Variants in DCC observed in about 807,000 individuals in gnomAD.
DCC encodes the protein DCC netrin 1 receptor, also known as netrin receptor DCC.
In DCC, 58 loss-of-function variants were observed where a neutral mutation model predicts 172.5. The ratio of observed to expected loss-of-function variants is 0.34; its 90% CI spans 0.27 to 0.42. The LOEUF (loss-of-function observed/expected upper bound fraction) is 0.42, where lower values mean the gene tolerates loss of function less well. Ranked by LOEUF, DCC falls within the 10% of genes least tolerant of loss-of-function variation. The probability of loss-of-function intolerance (pLI) is 1.00; values close to 1 mark genes in which losing one functional copy is unlikely to be tolerated. For missense variants in DCC, 1,740 were observed against 1,791.0 expected (o/e 0.97, Z 0.51); for synonymous variants, 709 against 644.5 (o/e 1.10, Z -1.52).
chr18:52,917,985 AT>A (rs35110915), intron 3 of DCC, among the ~76,000 whole-genome samples: 58,031 of 151,894 alleles, frequency 0.38, 11,658 homozygotes, highest in Non-Finnish European at 0.46. Context: ...AAAAAAATCC[AT>A]TTTTTTCTGC....
chr18:52,773,500 C>A (rs2037375938), intron 2 of DCC, among the ~76,000 whole-genome samples: 1 of 114,598 alleles, frequency 8.7e-6, no homozygotes. Flanking sequence ...ATATATATCT[C>A]TATATATCTA....
chr18:52,493,494 A>T (rs1430830770), intron 1 of DCC, among the ~76,000 whole-genome samples: 7 of 152,114 alleles, frequency 4.6e-5, no homozygotes. Context: ...TAATCGTAAT[A>T]GTTTATGTTG....
intron 1 of DCC, among the ~76,000 whole-genome samples, chr18:52,475,800 A>C (rs1481741077): frequency 6.6e-6 from 1 of 152,166 alleles, no homozygotes; most frequent in African/African-American, 2.4e-5. Context: ...TCTCAAAACA[A>C]CATTTTTTGC....
At chr18:52,794,528 A>T (rs1450063211) in intron 2 of DCC, among the ~76,000 whole-genome samples, 1 of 151,854 alleles carries the variant, frequency 6.6e-6, no homozygotes, top group Non-Finnish European at 1.5e-5. Context: ...ATCAGTTCTG[A>T]GTTTTTTGGT....
intron 1 of DCC, among the ~76,000 whole-genome samples, chr18:52,405,538 G>A: frequency 6.6e-6 from 1 of 151,338 alleles, no homozygotes; most frequent in Admixed American, 6.6e-5. Context: ...CAGACAAACA[G>A]AGAGCCGAAT....
At chr18:53,221,135 A>G (rs1386293547) in intron 12 of DCC, among the ~76,000 whole-genome samples, 1 of 152,058 alleles carries the variant, frequency 6.6e-6, no homozygotes, top group Non-Finnish European at 1.5e-5. Flanking sequence ...AAACAACTTT[A>G]TATAAAATTT....
chr18:53,099,021 A>T (rs2043125809), intron 7 of DCC, among the ~76,000 whole-genome samples: 1 of 152,042 alleles, frequency 6.6e-6, no homozygotes, highest in Admixed American at 6.6e-5. Flanking sequence ...TAATAATAAT[A>T]ATAGTAATAG....
At chr18:52,861,614 T>C (rs1335150997) in intron 2 of DCC, among the ~76,000 whole-genome samples, 1 of 152,172 alleles carries the variant, frequency 6.6e-6, no homozygotes, top group East Asian at 1.9e-4. Context: ...TTCTTGACTC[T>C]GGAAAACAAA....
intron 2 of DCC, among the ~76,000 whole-genome samples, chr18:52,881,981 A>C (rs1479255743): frequency 6.6e-6 from 1 of 152,040 alleles, no homozygotes; most frequent in African/African-American, 2.4e-5. Context: ...TTCTTTCATT[A>C]GTTTTTAATA....
intron 1 of DCC, among the ~76,000 whole-genome samples, chr18:52,366,008 T>C (rs75331180): frequency 0.034 from 5,107 of 152,274 alleles, 292 homozygotes; most frequent in African/African-American, 0.11. Context: ...ATGGAATTGT[T>C]CTTAGAATAT....
intron 1 of DCC, among the ~76,000 whole-genome samples, chr18:52,637,902 A>G (rs2034813510): frequency 6.6e-6 from 1 of 152,226 alleles, no homozygotes; most frequent in East Asian, 1.9e-4. Context: ...AAAGAATCTT[A>G]AGAGCTGTGA....
chr18:53,018,382 G>T (rs1289158860), intron 5 of DCC, among the ~76,000 whole-genome samples: 1 of 152,140 alleles, frequency 6.6e-6, no homozygotes, highest in Non-Finnish European at 1.5e-5. Context: ...CTGGCTTTAA[G>T]GAAGATACAT....
intron 15 of DCC, among the ~76,000 whole-genome samples, chr18:53,363,643 G>A (rs1480282057): frequency 7.2e-5 from 11 of 152,136 alleles, no homozygotes; most frequent in Non-Finnish European, 1.3e-4. Flanking sequence ...TTTGTCCACT[G>A]CCATTTCTAT....
intron 1 of DCC, among the ~76,000 whole-genome samples, chr18:52,482,231 A>G (rs1448023338): frequency 2.0e-4 from 31 of 152,148 alleles, no homozygotes; most frequent in Admixed American, 2.0e-3. Flanking sequence ...AATACTCACT[A>G]TTTACATTAC....
chr18:53,484,273 G>A (rs752274698), intron 25 of DCC, among the ~76,000 whole-genome samples: 5 of 151,368 alleles, frequency 3.3e-5, no homozygotes, highest in African/African-American at 4.9e-5. Flanking sequence ...TTTTCTAGGA[G>A]GTTCACAATA....
chr18:52,782,544 C>T (rs1330946956), intron 2 of DCC, among the ~76,000 whole-genome samples: 1 of 152,140 alleles, frequency 6.6e-6, no homozygotes, highest in East Asian at 1.9e-4. Flanking sequence ...TCTATCCTAA[C>T]TTCTTGCATA....
intron 13 of DCC, among the ~76,000 whole-genome samples, chr18:53,312,340 C>CAAA (rs1218591102): frequency 1.7e-4 from 3 of 17,530 alleles, no homozygotes; most frequent in African/African-American, 2.9e-4. Context: ...GACTCTGTCT[C>CAAA]AAAAAAAAAA....
At chr18:53,210,741 A>C (rs2055737012) in intron 11 of DCC, among the ~76,000 whole-genome samples, 1 of 152,134 alleles carries the variant, frequency 6.6e-6, no homozygotes, top group African/African-American at 2.4e-5. Flanking sequence ...GACATAGAAA[A>C]ATTTTTAAAA....
chr18:52,810,399 A>G (rs559690882), intron 2 of DCC, among the ~76,000 whole-genome samples: 1 of 152,312 alleles, frequency 6.6e-6, no homozygotes, highest in South Asian at 2.1e-4. Flanking sequence ...GCCCCAGCTC[A>G]CCTATGTTAT....
Sources: gnomAD v4.1 joint callset for allele counts (sites outside exome capture counted in the v4.1 genomes callset) on GRCh38, gnomAD v4.1.1 for gene constraint, MANE v1.5 for transcripts, NCBI Gene and HGNC (gene_info 2026-07-23, HGNC 2026-07-21) for gene names.